PCDHA3: variants seen among roughly 807,000 people sequenced by gnomAD.
The protein encoded by PCDHA3 is protocadherin alpha 3.
In PCDHA3, 41 loss-of-function variants were observed where a neutral mutation model predicts 62.2. The ratio of observed to expected loss-of-function variants is 0.66; its 90% CI spans 0.51 to 0.86. The LOEUF (loss-of-function observed/expected upper bound fraction) is 0.86, where lower values mean the gene tolerates loss of function less well. Ranked by LOEUF, PCDHA3 falls within the 40% of genes least tolerant of loss-of-function variation. The pLI, the probability that PCDHA3 is intolerant of heterozygous loss-of-function variation, is 0.00. For synonymous variants in PCDHA3, 640 were observed against 555.4 expected (o/e 1.15, Z -2.14); for missense variants, 1,304 against 1,241.2 (o/e 1.05, Z -0.76).
At chr5:140,875,878 A>C (rs782804026) in intron 1 of PCDHA3, 2 of 1,614,212 alleles carry the variant, frequency 1.2e-6, no homozygotes, top group East Asian at 4.5e-5. Context: ...GTTCAGAGAA[A>C]GGGAACAAAA....
At chr5:140,868,823 G>A (rs576498570) in intron 1 of PCDHA3, 4 of 397,532 alleles carry the variant, frequency 1.0e-5, no homozygotes, top group South Asian at 6.7e-5. Context: ...ATATTTGGGG[G>A]AAGAAACCCA....
At chr5:140,836,909 CTT>C (rs1774804264) in intron 1 of PCDHA3, 2 of 579,626 alleles carry the variant, frequency 3.5e-6, no homozygotes, top group Admixed American at 3.6e-5. Flanking sequence ...TTAATATACA[CTT>C]TTGTTTTGGG....
In PCDHA3 at chr5:140,850,628, G is replaced by A. The variant is rs2150491387; in HGVS notation, c.2394+47037G>A. The stretch of plus-strand genomic sequence containing the variant: ...CCATCTGCGCGGTGTCTAGCCTGTT[G>A]GTTCTCACGCTGCTGCTGTACACTG... On this transcript the variant is annotated intron_variant, in intron 1 of 3. Coordinates refer to ENST00000522353, the MANE Select transcript of PCDHA3 (RefSeq NM_018906.3). 2.4e-5 allele frequency: 38 copies of A among 1,598,590 alleles called. 4 individuals carry two copies. In the Middle Eastern group the frequency reaches 1.3e-3, roughly 56 times the overall value.
At chr5:140,834,176 G>A (rs1772828116) in intron 1 of PCDHA3, 1 of 555,612 alleles carries the variant, frequency 1.8e-6, no homozygotes, top group Admixed American at 3.3e-5. Context: ...TTACATGATG[G>A]CCACATGATG....
chr5:140,920,137 T>C (rs182001221), intron 1 of PCDHA3, among the ~76,000 whole-genome samples: 29 of 152,242 alleles, frequency 1.9e-4, no homozygotes, highest in Admixed American at 1.8e-3. Flanking sequence ...TTAATTCTCC[T>C]CTCCAAACCT....
At chr5:140,942,821 G>A (rs2093373988) in intron 1 of PCDHA3, among the ~76,000 whole-genome samples, 1 of 151,968 alleles carries the variant, frequency 6.6e-6, no homozygotes, top group African/African-American at 2.4e-5. Flanking sequence ...GTTGGATTTG[G>A]CCCTGTGTCA....
intron 1 of PCDHA3, chr5:140,869,974 T>G: frequency 6.2e-7 from 1 of 1,613,252 alleles, no homozygotes; most frequent in Non-Finnish European, 8.5e-7. Context: ...TGGAAGACAC[T>G]TATTTACACT....
chr5:140,823,948 C>T, intron 1 of PCDHA3: 2 of 1,613,984 alleles, frequency 1.2e-6, no homozygotes, highest in Non-Finnish European at 8.5e-7. Context: ...GTGCTCGGCG[C>T]AGCCCACCGA....
At chr5:141,001,896 C>T (rs2098042458) in intron 3 of PCDHA3, among the ~76,000 whole-genome samples, 1 of 152,142 alleles carries the variant, frequency 6.6e-6, no homozygotes, top group Admixed American at 6.5e-5. Flanking sequence ...GAAATCGGGG[C>T]TGTTTGAAAA....
At chr5:140,841,293 T>C in intron 1 of PCDHA3, 3 of 1,494,776 alleles carry the variant, frequency 2.0e-6, no homozygotes, top group Non-Finnish European at 1.8e-6. Flanking sequence ...ATTAAGATAA[T>C]ATTTTCTGAT....
intron 1 of PCDHA3, among the ~76,000 whole-genome samples, chr5:140,820,925 C>G (rs1554127950): frequency 1.3e-5 from 2 of 151,812 alleles, no homozygotes; most frequent in Non-Finnish European, 2.9e-5. Flanking sequence ...CTTTTGATTT[C>G]TAGAAAGCTG....
chr5:140,994,519 A>G (rs1378534275), intron 3 of PCDHA3, among the ~76,000 whole-genome samples: 2 of 148,690 alleles, frequency 1.3e-5, no homozygotes, highest in Non-Finnish European at 3.0e-5. Context: ...CCTGGGCAAC[A>G]TGGCAAAACC....
chr5:140,842,566 C>G (rs782225990), intron 1 of PCDHA3: 19 of 1,503,446 alleles, frequency 1.3e-5, no homozygotes, highest in Non-Finnish European at 1.4e-5. Context: ...CCCTGGACCG[C>G]GAGAGAGTGT....
intron 1 of PCDHA3, among the ~76,000 whole-genome samples, chr5:140,905,536 T>A (rs1562950103): frequency 6.6e-6 from 1 of 152,286 alleles, no homozygotes; most frequent in East Asian, 1.9e-4. Flanking sequence ...TGGTTCCATA[T>A]GAACTTTAGG....
chr5:140,826,325 G>C (rs1455505548), intron 1 of PCDHA3, among the ~76,000 whole-genome samples: 1 of 151,996 alleles, frequency 6.6e-6, no homozygotes, highest in African/African-American at 2.4e-5. Context: ...GATTGTTTTT[G>C]GTTAAGAAAT....
chr5:140,999,995 A>G (rs1174530266), intron 3 of PCDHA3, among the ~76,000 whole-genome samples: 1 of 152,068 alleles, frequency 6.6e-6, no homozygotes, highest in Non-Finnish European at 1.5e-5. Flanking sequence ...GGGTAGTGGT[A>G]TTAGATTGGC....
chr5:140,884,155 C>T (rs781815602), intron 1 of PCDHA3: 1 of 1,613,430 alleles, frequency 6.2e-7, no homozygotes, highest in Non-Finnish European at 8.5e-7. Flanking sequence ...TGTACACTGG[C>T]GAGATCAGCA....
At chr5:140,921,850 G>C (rs2080436717) in intron 1 of PCDHA3, among the ~76,000 whole-genome samples, 1 of 151,984 alleles carries the variant, frequency 6.6e-6, no homozygotes, top group African/African-American at 2.4e-5. Context: ...ATTTATAGAT[G>C]TGTGTGTATA....
intron 1 of PCDHA3, chr5:140,967,333 C>T (rs113984883): frequency 1.9e-6 from 3 of 1,608,148 alleles, no homozygotes; most frequent in Admixed American, 1.7e-5. Context: ...AGCTCAGCCC[C>T]AGCGAGCACT....
Sources: gnomAD v4.1 joint callset for allele counts (sites outside exome capture counted in the v4.1 genomes callset) on GRCh38, gnomAD v4.1.1 for gene constraint, MANE v1.5 for transcripts, NCBI Gene and HGNC (gene_info 2026-07-23, HGNC 2026-07-21) for gene names.